The following DIP2C variants were observed in gnomAD, a reference collection of about 807,000 sequenced individuals.
DIP2C encodes the protein DIP2 acetate--CoA ligase C (putative), also known as disco-interacting protein 2 homolog C.
DIP2C carries 33 observed loss-of-function variants against 192.4 expected under a neutral mutation model. The observed-to-expected ratio is 0.17, with a 90% CI of 0.13 to 0.23. The LOEUF is 0.23. DIP2C is among the 10% of genes least tolerant of loss of function. The pLI is 1.00. For synonymous variants in DIP2C, 979 were observed against 864.1 expected (o/e 1.13, Z -2.33); for missense variants, 1,537 against 2,110.1 (o/e 0.73, Z 5.32).
At chr10:373,100 G>A (rs1219830073) in intron 17 of DIP2C, among the ~76,000 whole-genome samples, 3 of 152,224 alleles carry the variant, frequency 2.0e-5, no homozygotes, top group Non-Finnish European at 4.4e-5. Flanking sequence ...GGGTGGTGGG[G>A]CTCGGCAGGA....
intron 1 of DIP2C, among the ~76,000 whole-genome samples, chr10:610,480 A>C (rs1853015491): frequency 6.6e-6 from 1 of 152,274 alleles, no homozygotes; most frequent in Admixed American, 6.5e-5. Flanking sequence ...GAAAATGTTT[A>C]AAGTGAAAGA....
In DIP2C at chr10:591,469, T is replaced by TA. The variant is rs529039794; in HGVS notation, c.85+98024dup. Among the ~76,000 whole-genome samples, 130 of 152,342 alleles carry TA rather than the reference T, an allele frequency of 8.5e-4. 1 individual carries two copies. The highest frequency in any genetic ancestry group is 3.0e-3 in the African/African-American group (125 of 41,580). On this transcript the variant is annotated intron_variant, in intron 1 of 36. Transcript: ENST00000280886. ...AGCCACTCTCTCACACCCACTCCCC[T>TA]ATTTTGTTAAAAACCAGTTATATGG... is the stretch of plus-strand genomic sequence containing the variant.
chr10:277,180 G>GTCCTCTTCCTCC lies in DIP2C; in HGVS notation c.*133_*144dup, dbSNP rs747659725. On this transcript the variant is annotated 3_prime_UTR_variant, in exon 37 of 37. Coordinates refer to ENST00000280886, the MANE Select transcript of DIP2C (RefSeq NM_014974.3). ...ATGCCAATCGTGGCTGCTGTGAGAA[G>GTCCTCTTCCTCC]TCCTCTTCCTCCTCCTCTTCCTCCT... 6.4e-6 allele frequency: 8 copies of GTCCTCTTCCTCC among 1,256,328 alleles called. No individual in the cohort carries two copies. The highest frequency in any genetic ancestry group is 4.8e-5 in the East Asian group (2 of 41,636). 77.8% of individuals were successfully genotyped at this position (1,256,328 alleles called of 1,614,324 possible).
intron 1 of DIP2C, among the ~76,000 whole-genome samples, chr10:671,481 C>CAG (rs1228220063): frequency 3.8e-5 from 4 of 105,514 alleles, no homozygotes; most frequent in Admixed American, 1.1e-4. Context: ...ACGGAGGAAA[C>CAG]GCCACAGACG....
intron 1 of DIP2C, among the ~76,000 whole-genome samples, chr10:574,702 G>A (rs1850043958): frequency 6.6e-6 from 1 of 152,206 alleles, no homozygotes; most frequent in Admixed American, 6.5e-5. Flanking sequence ...CCACAGAGGT[G>A]TTTATCCAGG....
At chr10:446,525 G>A (rs769086577) in intron 3 of DIP2C, among the ~76,000 whole-genome samples, 6 of 152,146 alleles carry the variant, frequency 3.9e-5, no homozygotes, top group Non-Finnish European at 5.9e-5. Flanking sequence ...CTGTGTCTTC[G>A]GTAAATCAAG....
chr10:679,476 C>G (rs79218966), intron 1 of DIP2C, among the ~76,000 whole-genome samples: 7 of 13,138 alleles, frequency 5.3e-4, no homozygotes, highest in Non-Finnish European at 7.8e-4. Flanking sequence ...CCCCACACCC[C>G]TGCTCCCCAC....
chr10:548,718 CTG>C (rs893113098), intron 1 of DIP2C, among the ~76,000 whole-genome samples: 1 of 151,902 alleles, frequency 6.6e-6, no homozygotes, highest in Non-Finnish European at 1.5e-5. Context: ...AGGCCTCAGA[CTG>C]TGGAGCTTTC....
chr10:367,913 G>A (rs971086961), intron 18 of DIP2C, among the ~76,000 whole-genome samples: 5 of 151,798 alleles, frequency 3.3e-5, no homozygotes, highest in Admixed American at 6.6e-5. Flanking sequence ...AGGTGCCTCC[G>A]ACGGGGGCCC....
At chr10:604,347 C>T (rs933739105) in intron 1 of DIP2C, among the ~76,000 whole-genome samples, 2 of 152,124 alleles carry the variant, frequency 1.3e-5, no homozygotes, top group African/African-American at 4.8e-5. Flanking sequence ...ATATACAATA[C>T]CATAGGAGAC....
chr10:400,951 A>G (rs1360877826), intron 9 of DIP2C, among the ~76,000 whole-genome samples: 2 of 146,140 alleles, frequency 1.4e-5, no homozygotes, highest in African/African-American at 5.2e-5. Context: ...CACGTGTGGC[A>G]GCATTAGCAT....
At chr10:650,698 A>G in intron 1 of DIP2C, 1 of 621,332 alleles carries the variant, frequency 1.6e-6, no homozygotes, top group Non-Finnish European at 2.9e-6. Flanking sequence ...TAGAGCCCAG[A>G]TGGCTTCTGG....
rs979559835 is a variant in DIP2C, at chr10:415,966, GC to G, written c.740-79del. On this transcript the variant is annotated intron_variant, in intron 6 of 36. Coordinates refer to ENST00000280886, the MANE Select transcript of DIP2C (RefSeq NM_014974.3). ...GCACCCACAGTCCCACAGTCCCACAGCCCCCTCCCCAGCGCGGCTACAACAG... is the reference window on the plus strand; with the variant it reads ...GCACCCACAGTCCCACAGTCCCACAGCCCCTCCCCAGCGCGGCTACAACAG... 43 of 1,592,288 alleles carry G rather than the reference GC, an allele frequency of 2.7e-5. No individual in the cohort carries two copies. In the East Asian group the frequency reaches 4.1e-4, roughly 15 times the overall value.
chr10:540,904 T>G (rs1429900615), intron 1 of DIP2C, among the ~76,000 whole-genome samples: 2 of 152,164 alleles, frequency 1.3e-5, no homozygotes, highest in African/African-American at 2.4e-5. Context: ...AAAGCATGCA[T>G]TAGACACAGC....
chr10:457,921 T>C (rs551892649), intron 3 of DIP2C, among the ~76,000 whole-genome samples: 1 of 152,202 alleles, frequency 6.6e-6, no homozygotes, highest in East Asian at 1.9e-4. Context: ...TGGCCTCTCC[T>C]CCCACAGCTG....
intron 1 of DIP2C, among the ~76,000 whole-genome samples, chr10:639,733 A>G (rs1052242590): frequency 1.3e-5 from 2 of 152,232 alleles, no homozygotes; most frequent in African/African-American, 4.8e-5. Flanking sequence ...TGAAATAGGC[A>G]TATTGTGCCT....
chr10:367,125 A>T (rs1025312478), intron 18 of DIP2C, among the ~76,000 whole-genome samples: 4 of 152,244 alleles, frequency 2.6e-5, no homozygotes, highest in African/African-American at 9.6e-5. Context: ...AGGAAGAAAG[A>T]TTCACATTAA....
At chr10:310,238 C>A in intron 31 of DIP2C, 146 bp from the exon 32 acceptor site, 1 of 696,230 alleles carries the variant, frequency 1.4e-6, no homozygotes. Flanking sequence ...CCTCTCAAGG[C>A]ACCTGCTAAC....
chr10:350,300 T>C (rs1286753022), intron 24 of DIP2C, among the ~76,000 whole-genome samples: 2 of 152,144 alleles, frequency 1.3e-5, no homozygotes, highest in African/African-American at 4.8e-5. Flanking sequence ...TTGCCCAAGC[T>C]GGTCTCAAAC....
Sources: gnomAD v4.1 joint callset for allele counts (sites outside exome capture counted in the v4.1 genomes callset) on GRCh38, gnomAD v4.1.1 for gene constraint, MANE v1.5 for transcripts, NCBI Gene and HGNC (gene_info 2026-07-23, HGNC 2026-07-21) for gene names.